The following PTPRD variants were observed in gnomAD, a reference collection of about 807,000 sequenced individuals.
PTPRD encodes protein tyrosine phosphatase receptor type D.
PTPRD carries 34 observed loss-of-function variants against 214.5 expected under a neutral mutation model. The observed-to-expected ratio is 0.16, with a 90% confidence interval of 0.12 to 0.21. The LOEUF is 0.21. Ranked by LOEUF, PTPRD falls within the 10% of genes least tolerant of loss-of-function variation. PTPRD has a pLI of 1.00. For synonymous variants in PTPRD, 1,128 were observed against 845.7 expected (o/e 1.33, Z -5.79); for missense variants, 2,545 against 2,398.7 (o/e 1.06, Z -1.27).
intron 11 of PTPRD, among the ~76,000 whole-genome samples, chr9:8,892,126 T>C (rs562856890): frequency 3.0e-4 from 46 of 152,310 alleles, no homozygotes; most frequent in African/African-American, 9.6e-4. Flanking sequence ...GATCCTCTGC[T>C]GACCCCAGCC....
At chr9:9,617,257 C>G (rs1413773018) in intron 7 of PTPRD, among the ~76,000 whole-genome samples, 1 of 152,158 alleles carries the variant, frequency 6.6e-6, no homozygotes, top group Non-Finnish European at 1.5e-5. Context: ...GAGAATTAGA[C>G]TCCTCGTAGC....
chr9:8,807,498 C>G (rs988875327), intron 11 of PTPRD, among the ~76,000 whole-genome samples: 1 of 151,984 alleles, frequency 6.6e-6, no homozygotes, highest in African/African-American at 2.4e-5. Flanking sequence ...ACAAACAAAG[C>G]AACTACACAT....
intron 5 of PTPRD, among the ~76,000 whole-genome samples, chr9:9,901,703 T>C (rs1198231680): frequency 6.6e-6 from 1 of 152,092 alleles, no homozygotes; most frequent in Non-Finnish European, 1.5e-5. Flanking sequence ...CTACTTGAGA[T>C]TGGGTAGTTT....
chr9:9,581,425 G>A (rs1222830379), intron 7 of PTPRD, among the ~76,000 whole-genome samples: 1 of 152,034 alleles, frequency 6.6e-6, no homozygotes, highest in East Asian at 1.9e-4. Flanking sequence ...GCAAATAAAT[G>A]CTTTAAAAAA....
intron 11 of PTPRD, among the ~76,000 whole-genome samples, chr9:8,935,012 T>TAC (rs2098987037): frequency 6.6e-6 from 1 of 152,118 alleles, no homozygotes; most frequent in African/African-American, 2.4e-5. Flanking sequence ...TATATATACT[T>TAC]ATATATACAC....
intron 2 of PTPRD, among the ~76,000 whole-genome samples, chr9:10,404,370 A>G (rs1408366321): frequency 3.3e-5 from 5 of 151,712 alleles, no homozygotes; most frequent in African/African-American, 1.2e-4. Context: ...AAACTTTCAT[A>G]CTTTGTTCCA....
intron 5 of PTPRD, among the ~76,000 whole-genome samples, chr9:9,829,316 G>T (rs1430603749): frequency 6.6e-6 from 1 of 151,686 alleles, no homozygotes; most frequent in Non-Finnish European, 1.5e-5. Flanking sequence ...TAATCTATAA[G>T]AACTGATCTG....
chr9:8,839,716 T>C (rs985351893), intron 11 of PTPRD, among the ~76,000 whole-genome samples: 7 of 152,178 alleles, frequency 4.6e-5, no homozygotes, highest in African/African-American at 7.2e-5. Context: ...ATGCAAAATA[T>C]AGAAAAAGCT....
intron 5 of PTPRD, among the ~76,000 whole-genome samples, chr9:9,843,660 T>G (rs2058832762): frequency 6.6e-6 from 1 of 151,986 alleles, no homozygotes; most frequent in East Asian, 1.9e-4. Context: ...AGATGAATAT[T>G]TCTCGATCTT....
chr9:8,429,595 G>A (rs565386201), intron 35 of PTPRD, among the ~76,000 whole-genome samples: 5 of 152,226 alleles, frequency 3.3e-5, no homozygotes, highest in Middle Eastern at 3.4e-3. Flanking sequence ...GAAGGACAGG[G>A]CTCTGATATC....
intron 4 of PTPRD, among the ~76,000 whole-genome samples, chr9:10,008,709 C>T (rs2154102605): frequency 6.6e-6 from 1 of 152,040 alleles, no homozygotes; most frequent in Middle Eastern, 3.4e-3. Context: ...GATGGACAGC[C>T]TATAGGCTGT....
chr9:8,947,475 A>G (rs974183374), intron 11 of PTPRD, among the ~76,000 whole-genome samples: 3 of 151,604 alleles, frequency 2.0e-5, no homozygotes, highest in Non-Finnish European at 2.9e-5. Context: ...AAAAAAAAAA[A>G]AAAAGAAAAA....
chr9:8,849,573 A>G (rs1347710484), intron 11 of PTPRD, among the ~76,000 whole-genome samples: 1 of 152,176 alleles, frequency 6.6e-6, no homozygotes, highest in Non-Finnish European at 1.5e-5. Flanking sequence ...ATAGCACTTG[A>G]ACTGAGCATT....
rs1821948885 is a variant in PTPRD at position 8,316,582 on chromosome 9, C to G, written c.*1292G>C. 1.3e-5 allele frequency: 3 copies of G among 230,894 alleles called. No individual in the cohort carries two copies. The highest frequency in any genetic ancestry group is 2.2e-5 in the African/African-American group (1 of 45,154). 14.3% of individuals were successfully genotyped at this position (230,894 alleles called of 1,614,324 possible). A position where few individuals can be genotyped will look rare whatever the true frequency, so the allele number is the denominator to read the frequency against. ...CATTCTCCCCTCCTAAAGGGATATGCACTGACCTTTCCCACATGCACACCT... is the reference window on the plus strand; with the variant it reads ...CATTCTCCCCTCCTAAAGGGATATGGACTGACCTTTCCCACATGCACACCT... On this transcript the variant is annotated 3_prime_UTR_variant, in exon 46 of 46. Coordinates refer to ENST00000381196, the MANE Select transcript of PTPRD (RefSeq NM_002839.4).
At chr9:10,353,278 C>T (rs1341558265) in intron 2 of PTPRD, among the ~76,000 whole-genome samples, 1 of 151,826 alleles carries the variant, frequency 6.6e-6, no homozygotes, top group East Asian at 1.9e-4. Flanking sequence ...AAAAACACAT[C>T]CTCTGTGAAA....
chr9:10,009,336 T>G (rs1489780485), intron 4 of PTPRD, among the ~76,000 whole-genome samples: 2 of 107,892 alleles, frequency 1.9e-5, no homozygotes, highest in African/African-American at 5.0e-5. Flanking sequence ...AGCTTGATTT[T>G]ATACATTTTA....
intron 3 of PTPRD, among the ~76,000 whole-genome samples, chr9:10,039,227 C>T (rs2097251882): frequency 6.6e-6 from 1 of 151,978 alleles, no homozygotes; most frequent in Non-Finnish European, 1.5e-5. Context: ...AGTGATCATC[C>T]TATTTCTACT....
chr9:9,563,424 A>G (rs2083474535), intron 8 of PTPRD, among the ~76,000 whole-genome samples: 2 of 152,104 alleles, frequency 1.3e-5, no homozygotes, highest in South Asian at 4.1e-4. Context: ...TTTTTCTTCT[A>G]TCTGTACCCA....
intron 11 of PTPRD, among the ~76,000 whole-genome samples, chr9:8,774,511 T>C (rs1327431504): frequency 1.4e-5 from 2 of 146,252 alleles, no homozygotes; most frequent in Non-Finnish European, 3.0e-5. Flanking sequence ...ATAACCAAAA[T>C]GCATGTGAAA....
Sources: gnomAD v4.1 joint callset for allele counts (sites outside exome capture counted in the v4.1 genomes callset) on GRCh38, gnomAD v4.1.1 for gene constraint, MANE v1.5 for transcripts, NCBI Gene and HGNC (gene_info 2026-07-23, HGNC 2026-07-21) for gene names.